The following KLF12 variants were observed in gnomAD, a reference collection of about 807,000 sequenced individuals.
KLF12 encodes the protein KLF transcription factor 12.
A neutral mutation model predicts 37.8 loss-of-function variants in KLF12; 9 were observed. The observed-to-expected ratio is 0.24, with a 90% CI of 0.14 to 0.42. The LOEUF (loss-of-function observed/expected upper bound fraction) is 0.42. KLF12 is among the 10% of genes least tolerant of loss of function. The pLI is 1.00. For synonymous variants in KLF12, 208 were observed against 202.1 expected (o/e 1.03, Z -0.25); for missense variants, 411 against 516.0 (o/e 0.80, Z 1.97).
At chr13:74,078,473 A>G (rs1032056014) in intron 1 of KLF12, among the ~76,000 whole-genome samples, 3 of 152,254 alleles carry the variant, frequency 2.0e-5, no homozygotes, top group Admixed American at 6.5e-5. Context: ...GTTACAAGGC[A>G]TAATTATAAA....
the KLF12 span, among the ~76,000 whole-genome samples, chr13:74,150,442 C>A: frequency 6.6e-6 from 1 of 152,184 alleles, no homozygotes; most frequent in Non-Finnish European, 1.5e-5. Context: ...AATGTGATGT[C>A]TTTTCCATCT....
the KLF12 span, among the ~76,000 whole-genome samples, chr13:74,144,928 A>G: frequency 6.6e-6 from 1 of 152,142 alleles, no homozygotes; most frequent in Non-Finnish European, 1.5e-5. Flanking sequence ...ATTTTCCCAT[A>G]TGAATAAAAT....
chr13:74,286,069 A>G, the KLF12 span, among the ~76,000 whole-genome samples: 5 of 152,192 alleles, frequency 3.3e-5, no homozygotes, highest in African/African-American at 1.2e-4. Context: ...CACTCTTTCT[A>G]TCTTCCAAAG....
intron 4 of KLF12, among the ~76,000 whole-genome samples, chr13:73,826,665 C>A (rs896066975): frequency 6.6e-6 from 1 of 151,528 alleles, no homozygotes; most frequent in Admixed American, 6.6e-5. Flanking sequence ...TGGTGTATAT[C>A]CTTCCCATTC....
intron 2 of KLF12, among the ~76,000 whole-genome samples, chr13:73,970,471 T>G (rs189572598): frequency 3.8e-4 from 58 of 152,274 alleles, no homozygotes; most frequent in African/African-American, 1.4e-3. Flanking sequence ...CTCTAAGAGT[T>G]CTGACTTCCT....
chr13:74,077,164 A>C (rs1002162986), intron 1 of KLF12, among the ~76,000 whole-genome samples: 3 of 152,214 alleles, frequency 2.0e-5, no homozygotes, highest in African/African-American at 7.2e-5. Flanking sequence ...ATATATAACC[A>C]GTAATCAGAT....
At chr13:74,000,194 T>C (rs1158759249) in intron 1 of KLF12, among the ~76,000 whole-genome samples, 1 of 152,196 alleles carries the variant, frequency 6.6e-6, no homozygotes, top group Non-Finnish European at 1.5e-5. Context: ...CCAAACTCCT[T>C]TTCCACTTCA....
chr13:73,856,073 G>A (rs1885592821), intron 3 of KLF12, among the ~76,000 whole-genome samples: 1 of 152,172 alleles, frequency 6.6e-6, no homozygotes, highest in African/African-American at 2.4e-5. Context: ...ATTTAAGTAG[G>A]AGAATAAATT....
the KLF12 span, among the ~76,000 whole-genome samples, chr13:74,261,964 G>A: frequency 1.8e-4 from 27 of 152,178 alleles, no homozygotes; most frequent in Admixed American, 1.8e-3. Flanking sequence ...CACCTTCAGA[G>A]AGTGCTGTGC....
intron 4 of KLF12, among the ~76,000 whole-genome samples, chr13:73,839,641 C>T (rs970573145): frequency 1.3e-5 from 2 of 152,028 alleles, no homozygotes; most frequent in Non-Finnish European, 2.9e-5. Flanking sequence ...TGCTAATAAT[C>T]CAGTAAAGAG....
chr13:74,028,877 A>C (rs1893043689), intron 1 of KLF12, among the ~76,000 whole-genome samples: 1 of 152,106 alleles, frequency 6.6e-6, no homozygotes, highest in Non-Finnish European at 1.5e-5. Flanking sequence ...ATCAATTAAA[A>C]AGATCTAGAG....
At position 73,692,809 on chromosome 13, in the gene KLF12, C is replaced by T. The variant is rs992852004; in HGVS notation, c.*2681G>A. The T allele has an allele frequency of 3.9e-5, 6 of 152,558 alleles. No individual in the cohort carries two copies. Among genetic ancestry groups the T allele is most frequent in the South Asian group, 2.1e-4 (1 of 4,828 alleles). The allele number at this position is 152,558 out of a possible 1,614,324, so 9.5% of individuals were successfully genotyped here. ...AGATCCCTTCTTAGAAGTACTGATA[C>T]GTCAAAAGGGGAAAATGATGGAATG... is the stretch of plus-strand genomic sequence containing the variant. On this transcript the variant is annotated 3_prime_UTR_variant, in exon 8 of 8. Transcript: ENST00000377669.
At chr13:73,969,438 G>A (rs926395127) in intron 2 of KLF12, among the ~76,000 whole-genome samples, 3 of 152,116 alleles carry the variant, frequency 2.0e-5, no homozygotes, top group African/African-American at 7.2e-5. Context: ...TATACCACTG[G>A]GATTTTTTAC....
the KLF12 span, among the ~76,000 whole-genome samples, chr13:74,155,105 G>C: frequency 6.6e-6 from 1 of 152,040 alleles, no homozygotes; most frequent in African/African-American, 2.4e-5. Context: ...TTGACTTTCT[G>C]CGTACAGTTC....
the KLF12 span, among the ~76,000 whole-genome samples, chr13:74,205,655 C>T: frequency 6.6e-6 from 1 of 152,024 alleles, no homozygotes; most frequent in East Asian, 1.9e-4. Flanking sequence ...TTGACCCTGA[C>T]GTAGACACAG....
chr13:73,821,355 T>C (rs9573305), intron 4 of KLF12, among the ~76,000 whole-genome samples: 7,775 of 152,212 alleles, frequency 0.051, 315 homozygotes, highest in South Asian at 0.16. Context: ...ACCAGTCTCA[T>C]TTCCAGCATC....
At chr13:74,184,323 C>A in the KLF12 span, among the ~76,000 whole-genome samples, 1 of 152,164 alleles carries the variant, frequency 6.6e-6, no homozygotes, top group Non-Finnish European at 1.5e-5. Flanking sequence ...TAATCTCAGT[C>A]TGCCTAGAGC....
chr13:73,774,591 C>G (rs984229779), intron 5 of KLF12, among the ~76,000 whole-genome samples: 1 of 151,938 alleles, frequency 6.6e-6, no homozygotes, highest in Non-Finnish European at 1.5e-5. Context: ...GATAATTTAT[C>G]GGTTTGAATA....
chr13:74,132,837 T>C (rs1878334746), intron 1 of KLF12, among the ~76,000 whole-genome samples: 1 of 152,124 alleles, frequency 6.6e-6, no homozygotes, highest in South Asian at 2.1e-4. Flanking sequence ...GATAAAAGTT[T>C]TCAAAGTTCT....
Sources: gnomAD v4.1 joint callset for allele counts (sites outside exome capture counted in the v4.1 genomes callset) on GRCh38, gnomAD v4.1.1 for gene constraint, MANE v1.5 for transcripts, NCBI Gene and HGNC (gene_info 2026-07-23, HGNC 2026-07-21) for gene names.